The following ODF2 variants were observed in gnomAD, a reference collection of about 807,000 sequenced individuals.
The protein encoded by ODF2 is outer dense fiber of sperm tails 2, also known as outer dense fiber protein 2.
ODF2 carries 47 observed loss-of-function variants against 110.2 expected under a neutral mutation model. That is an observed-to-expected ratio of 0.43 (90% confidence interval 0.34 to 0.54). The LOEUF (loss-of-function observed/expected upper bound fraction) is 0.54. Ranked by LOEUF, ODF2 falls within the 20% of genes least tolerant of loss-of-function variation. ODF2 has a pLI of 0.03. For synonymous variants in ODF2, 352 were observed against 397.7 expected (o/e 0.89, Z 1.37); for missense variants, 812 against 1,054.5 (o/e 0.77, Z 3.19).
upstream of ODF2, chr9:128,455,273 C>A (rs746819120): frequency 1.3e-6 from 2 of 1,523,232 alleles, no homozygotes; most frequent in Admixed American, 2.0e-5. Flanking sequence ...GGTAGTAGAC[C>A]GGGCGCGGAG....
At chr9:128,473,455 C>G (rs1449698595) in intron 7 of ODF2, among the ~76,000 whole-genome samples, 155 bp from the exon 8 acceptor site, 1 of 152,044 alleles carries the variant, frequency 6.6e-6, no homozygotes, top group Admixed American at 6.6e-5. Context: ...TTTAGGTCCA[C>G]CGCTTCCAGG....
At chr9:128,484,171 C>T in intron 11 of ODF2, 117 bp downstream of exon 11, 1 of 743,514 alleles carries the variant, frequency 1.3e-6, no homozygotes, top group South Asian at 1.6e-5. Flanking sequence ...TCTGAGGCAG[C>T]TGATGACAAA....
At chr9:128,472,348 C>CTTGGG (rs1447358031) in intron 6 of ODF2, among the ~76,000 whole-genome samples, 1 of 152,170 alleles carries the variant, frequency 6.6e-6, no homozygotes, top group African/African-American at 2.4e-5. Flanking sequence ...ACTGGAATTA[C>CTTGGG]AGGTGCCCAC....
intron 3 of ODF2, chr9:128,460,298 G>T (rs1836085122): frequency 2.9e-6 from 4 of 1,392,142 alleles, no homozygotes; most frequent in African/African-American, 1.4e-5. Context: ...GTTCTGGAAC[G>T]GGTGGGTCTT....
At chr9:128,484,785 C>G in exon 12 of ODF2, 1 of 1,612,486 alleles carries the variant, frequency 6.2e-7, no homozygotes, top group South Asian at 1.1e-5. Flanking sequence ...GAAGGGAGAC[C>G]GAGACAAAGA....
chr9:128,471,599 A>G (rs1003068607), intron 6 of ODF2, 131 bp downstream of exon 6: 22 of 725,070 alleles, frequency 3.0e-5, no homozygotes, highest in Non-Finnish European at 4.5e-5. Flanking sequence ...AGCCTGTTCA[A>G]CAGTCACACA....
At chr9:128,470,046 T>TATATATATATATATAA (rs1273553014) in intron 5 of ODF2, among the ~76,000 whole-genome samples, 6 of 56,668 alleles carry the variant, frequency 1.1e-4, no homozygotes, top group African/African-American at 1.9e-4. Context: ...TATATATATA[T>TATATATATATATATAA]AAATAAAAAA....
chr9:128,492,314 T>C, intron 14 of ODF2, 112 bp from the exon 15 acceptor site: 1 of 734,316 alleles, frequency 1.4e-6, no homozygotes, highest in South Asian at 1.5e-5. Flanking sequence ...AAGTGCTCTG[T>C]GGGTTAGAGT....
At chr9:128,497,446 A>AATATATATATAT (rs71381765) in intron 18 of ODF2, 17 of 42,576 alleles carry the variant, frequency 4.0e-4, no homozygotes, top group African/African-American at 1.2e-3. Flanking sequence ...AAAAAAAAAA[A>AATATATATATAT]ATATATATAT....
intron 15 of ODF2, 64 bp downstream of exon 15, chr9:128,492,600 G>A: frequency 6.6e-7 from 1 of 1,515,712 alleles, no homozygotes; most frequent in Non-Finnish European, 9.1e-7. Flanking sequence ...CAGACTGGGG[G>A]CTCCCTACCA....
intron 8 of ODF2, among the ~76,000 whole-genome samples, chr9:128,474,316 A>C (rs1187250855): frequency 6.6e-6 from 1 of 152,012 alleles, no homozygotes; most frequent in Admixed American, 6.6e-5. Context: ...AACAGAGTGA[A>C]ACTCCATCTA....
chr9:128,493,728 C>A (rs1457524685), intron 16 of ODF2, among the ~76,000 whole-genome samples: 1 of 152,218 alleles, frequency 6.6e-6, no homozygotes, highest in Admixed American at 6.5e-5. Flanking sequence ...CCAGATATTT[C>A]TCCCTTTCCC....
chr9:128,481,682 G>A, intron 9 of ODF2, 31 bp downstream of exon 9: 1 of 1,570,544 alleles, frequency 6.4e-7, no homozygotes, highest in East Asian at 2.2e-5. Flanking sequence ...CTACTCTAGT[G>A]GGTACAGGTG....
chr9:128,471,312 A>G (rs1309374236), exon 6 of ODF2: 1 of 1,608,570 alleles, frequency 6.2e-7, no homozygotes, highest in Non-Finnish European at 8.5e-7. Context: ...GCTCAGGTCA[A>G]GATGCAAAAA....
At chr9:128,472,816 C>G in intron 6 of ODF2, 97 bp from the exon 7 acceptor site, 1 of 1,567,128 alleles carries the variant, frequency 6.4e-7, no homozygotes, top group Non-Finnish European at 8.7e-7. Context: ...TTTTCCCTGA[C>G]CAGAGGTGAG....
chr9:128,455,894 A>T, upstream of ODF2: 1 of 1,279,886 alleles, frequency 7.8e-7, no homozygotes, highest in East Asian at 2.8e-5. Flanking sequence ...CAGGGGAAAC[A>T]GGGCCGAGCG....
At chr9:128,473,627 C>T (rs775626915) in exon 8 of ODF2, 2 of 1,613,612 alleles carry the variant, frequency 1.2e-6, no homozygotes, top group African/African-American at 1.3e-5. Flanking sequence ...AAATGACCTG[C>T]ACGGACATCA....
chr9:128,496,347 T>C (rs1845557549), intron 18 of ODF2: 1 of 1,431,006 alleles, frequency 7.0e-7, no homozygotes, highest in South Asian at 1.2e-5. Flanking sequence ...GGGGAGACAC[T>C]CCATGACAGC....
chr9:128,474,219 G>A (rs1225196091), intron 8 of ODF2, among the ~76,000 whole-genome samples: 2 of 152,132 alleles, frequency 1.3e-5, no homozygotes, highest in African/African-American at 2.4e-5. Flanking sequence ...ATTAGGCTGA[G>A]CGCGGTGGAT....
Sources: gnomAD v4.1 joint callset for allele counts (sites outside exome capture counted in the v4.1 genomes callset) on GRCh38, gnomAD v4.1.1 for gene constraint, MANE v1.5 for transcripts, NCBI Gene and HGNC (gene_info 2026-07-23, HGNC 2026-07-21) for gene names.